EYA1: variants seen among roughly 807,000 people sequenced by gnomAD.
EYA1 encodes the protein protein phosphatase EYA1.
In EYA1, 16 loss-of-function variants were observed where a neutral mutation model predicts 82.0. The observed-to-expected ratio is 0.20, with a 90% CI of 0.13 to 0.30. The LOEUF (loss-of-function observed/expected upper bound fraction) is 0.30. Ranked by LOEUF, EYA1 falls within the 10% of genes least tolerant of loss-of-function variation. The pLI, the probability that EYA1 is intolerant of heterozygous loss-of-function variation, is 1.00. For missense variants in EYA1, 633 were observed against 730.7 expected, an observed-to-expected ratio of 0.87 and a Z score of 1.54; for synonymous variants, 261 against 264.4, an observed-to-expected ratio of 0.99 and a Z score of 0.12.
At chr8:71,452,141 G>A (rs1563627416) in intron 2 of EYA1, among the ~76,000 whole-genome samples, 1 of 152,220 alleles carries the variant, frequency 6.6e-6, no homozygotes, top group Non-Finnish European at 1.5e-5. Flanking sequence ...ATGGCTTGGA[G>A]GGTCCCACAC....
intron 9 of EYA1, among the ~76,000 whole-genome samples, chr8:71,291,050 T>C (rs1234553932): frequency 6.6e-6 from 1 of 152,242 alleles, no homozygotes; most frequent in Non-Finnish European, 1.5e-5. Context: ...TGAGCAAGTA[T>C]GGCCTGCAGA....
intron 2 of EYA1, among the ~76,000 whole-genome samples, chr8:71,461,723 A>G (rs544038358): frequency 7.8e-4 from 118 of 152,190 alleles, no homozygotes; most frequent in Non-Finnish European, 1.4e-3. Flanking sequence ...GTGGAGGGTG[A>G]GCAAGATGAA....
At chr8:71,431,282 G>A (rs903865992) in intron 2 of EYA1, among the ~76,000 whole-genome samples, 11 of 152,278 alleles carry the variant, frequency 7.2e-5, no homozygotes, top group African/African-American at 2.2e-4. Context: ...TATTCAGTGA[G>A]CATCTCTCTC....
At chr8:71,222,313 G>A (rs1810023558) in intron 12 of EYA1, among the ~76,000 whole-genome samples, 1 of 143,518 alleles carries the variant, frequency 7.0e-6, no homozygotes, top group Non-Finnish European at 1.5e-5. Flanking sequence ...GATAGATTAT[G>A]TGGAAGAACT....
chr8:71,326,926 C>T (rs1395003235), intron 4 of EYA1, among the ~76,000 whole-genome samples: 1 of 152,196 alleles, frequency 6.6e-6, no homozygotes, highest in Non-Finnish European at 1.5e-5. Context: ...CCCCCTGACC[C>T]TCAACCCCAA....
chr8:71,424,552 G>GA (rs555909688), intron 2 of EYA1, among the ~76,000 whole-genome samples: 1 of 152,258 alleles, frequency 6.6e-6, no homozygotes, highest in Admixed American at 6.5e-5. Context: ...CCACTCACAT[G>GA]AAAAAACTGC....
At chr8:71,501,516 T>TCATG (rs1182124793) in intron 2 of EYA1, among the ~76,000 whole-genome samples, 2 of 152,256 alleles carry the variant, frequency 1.3e-5, no homozygotes, top group Non-Finnish European at 2.9e-5. Flanking sequence ...GCATTCTCTA[T>TCATG]CATGCCTGGA....
At chr8:71,225,016 T>C (rs555898276) in intron 12 of EYA1, 4 of 217,168 alleles carry the variant, frequency 1.8e-5, no homozygotes, top group African/African-American at 9.2e-5. Flanking sequence ...TTTGATTTGG[T>C]ACATCAAGTG....
chr8:71,328,486 C>T (rs1419118751), intron 4 of EYA1, among the ~76,000 whole-genome samples: 1 of 152,220 alleles, frequency 6.6e-6, no homozygotes, highest in Non-Finnish European at 1.5e-5. Flanking sequence ...GCTTCAGCCT[C>T]TCCACCACCT....
intron 2 of EYA1, among the ~76,000 whole-genome samples, chr8:71,425,104 CAAAAAAAAAA>C (rs71264555): frequency 4.3e-4 from 32 of 75,276 alleles, no homozygotes; most frequent in East Asian, 5.7e-4. Flanking sequence ...ACTAAAAATA[CAAAAAAAAAA>C]AAAAAAAAAA....
intron 2 of EYA1, among the ~76,000 whole-genome samples, chr8:71,374,457 G>A (rs575265072): frequency 1.3e-5 from 2 of 152,260 alleles, no homozygotes; most frequent in South Asian, 2.1e-4. Flanking sequence ...CTGTTAGGAC[G>A]TCCGTTACCA....
intron 2 of EYA1, among the ~76,000 whole-genome samples, chr8:71,470,552 A>G (rs1467665032): frequency 6.6e-6 from 1 of 152,120 alleles, no homozygotes; most frequent in African/African-American, 2.4e-5. Flanking sequence ...GCACCAACCT[A>G]ATAGAAGGTG....
At chr8:71,475,236 G>A (rs185673425) in intron 2 of EYA1, among the ~76,000 whole-genome samples, 1 of 152,204 alleles carries the variant, frequency 6.6e-6, no homozygotes, top group Non-Finnish European at 1.5e-5. Context: ...AATAGTGTGT[G>A]TAGCTAGGGT....
chr8:71,435,019 C>CA (rs1054425395), intron 2 of EYA1, among the ~76,000 whole-genome samples: 10 of 151,944 alleles, frequency 6.6e-5, no homozygotes, highest in Non-Finnish European at 1.3e-4. Flanking sequence ...TTTATAGACT[C>CA]AAAAAAATAT....
chr8:71,459,725 GT>G (rs1200859819), intron 2 of EYA1, among the ~76,000 whole-genome samples: 1 of 151,728 alleles, frequency 6.6e-6, no homozygotes, highest in Non-Finnish European at 1.5e-5. Flanking sequence ...TTAGTTATGT[GT>G]TTTTTATTTG....
rs76257416 is a variant in EYA1, at chr8:71,437,528, C to T, written c.34-81017G>A. On this transcript the variant is annotated intron_variant, in intron 2 of 18. Coordinates refer to the EYA1 transcript ENST00000643681. ...TATGCATTATTTGACATGTACACAG[C>T]TTAATATTATATAGGCATTTCATGT... Among the ~76,000 whole-genome samples the T allele has an allele frequency of 9.5e-3, 1,450 of 151,890 alleles. 21 individuals are homozygous for T. Among genetic ancestry groups the T allele is most frequent in the African/African-American group, 0.033 (1,383 of 41,420 alleles).
chr8:71,437,623 G>A (rs1806109306), intron 2 of EYA1, among the ~76,000 whole-genome samples: 1 of 152,032 alleles, frequency 6.6e-6, no homozygotes, highest in Admixed American at 6.6e-5. Flanking sequence ...AAATAGAGAT[G>A]CTGAGCATAT....
chr8:71,447,454 C>T (rs1806982629), intron 2 of EYA1, among the ~76,000 whole-genome samples: 1 of 152,184 alleles, frequency 6.6e-6, no homozygotes, highest in Non-Finnish European at 1.5e-5. Context: ...AGTAGAACAG[C>T]ATTTATTCTC....
chr8:71,274,928 G>GAGCGAGAGCGCGAGAGCA (rs57341151), intron 9 of EYA1, among the ~76,000 whole-genome samples: 1 of 151,772 alleles, frequency 6.6e-6, no homozygotes, highest in Non-Finnish European at 1.5e-5. Context: ...GAGAGAATGA[G>GAGCGAGAGCGCGAGAGCA]AGCGAGTGAA....
Sources: gnomAD v4.1 joint callset for allele counts (sites outside exome capture counted in the v4.1 genomes callset) on GRCh38, gnomAD v4.1.1 for gene constraint, MANE v1.5 for transcripts, NCBI Gene and HGNC (gene_info 2026-07-23, HGNC 2026-07-21) for gene names.